SUCLG2: variants seen among roughly 807,000 people sequenced by gnomAD.
The protein encoded by SUCLG2 is succinate-CoA ligase GDP-forming subunit beta.
SUCLG2 carries 42 observed loss-of-function variants against 47.9 expected under a neutral mutation model. That is an observed-to-expected ratio of 0.88 (90% CI 0.69 to 1.14). SUCLG2 has a LOEUF of 1.14. SUCLG2 is among the 50% of genes most tolerant of loss of function. The probability of loss-of-function intolerance (pLI) is 0.00; values close to 1 mark genes in which losing one functional copy is unlikely to be tolerated. For missense variants in SUCLG2, 571 were observed against 525.9 expected (o/e 1.09, Z -0.84); for synonymous variants, 195 against 197.3 (o/e 0.99, Z 0.10).
Position 67,493,559 on chromosome 3 carries a change from G to A in SUCLG2, c.1062+2239C>T, listed in dbSNP as rs562719679. On this transcript the variant is annotated intron_variant, in intron 9 of 10. Transcript: ENST00000307227. ...CAGGTTTTACAAAATTAAAATTTGAGGTGAGCCACTAAGAAAAGCTATTTC... is the reference window on the plus strand; with the variant it reads ...CAGGTTTTACAAAATTAAAATTTGAAGTGAGCCACTAAGAAAAGCTATTTC... 5.3e-5 allele frequency among the ~76,000 whole-genome samples: 8 copies of A among 152,192 alleles called. No homozygotes were observed. In the South Asian group the frequency reaches 1.5e-3, roughly 28 times the overall value.
intron 9 of SUCLG2, among the ~76,000 whole-genome samples, chr3:67,404,596 G>A: frequency 6.6e-6 from 1 of 152,090 alleles, no homozygotes; most frequent in South Asian, 2.1e-4. Flanking sequence ...AGCACCCTAA[G>A]AGGAAAGTCA....
chr3:67,402,459 T>C (rs1446172804), intron 9 of SUCLG2, among the ~76,000 whole-genome samples: 1 of 152,234 alleles, frequency 6.6e-6, no homozygotes. Flanking sequence ...AGATTGGGGC[T>C]ACTCCCAGAA....
At chr3:67,443,698 C>T in intron 9 of SUCLG2, among the ~76,000 whole-genome samples, 1 of 89,494 alleles carries the variant, frequency 1.1e-5, no homozygotes, top group African/African-American at 3.7e-5. Context: ...CGCCTCTGCC[C>T]CGCCGCCCCA....
At chr3:67,623,506 A>G (rs774786057) in intron 1 of SUCLG2, among the ~76,000 whole-genome samples, 2 of 152,164 alleles carry the variant, frequency 1.3e-5, no homozygotes, top group African/African-American at 2.4e-5. Context: ...ATCTTAAGAA[A>G]CAAAAAATAA....
intron 2 of SUCLG2, among the ~76,000 whole-genome samples, chr3:67,574,056 A>T (rs1175839670): frequency 6.6e-6 from 1 of 152,134 alleles, no homozygotes; most frequent in Non-Finnish European, 1.5e-5. Flanking sequence ...GGACACATAC[A>T]TTCCTTGGCT....
intron 2 of SUCLG2, among the ~76,000 whole-genome samples, chr3:67,608,549 T>G (rs1480389069): frequency 6.6e-6 from 1 of 152,182 alleles, no homozygotes; most frequent in Non-Finnish European, 1.5e-5. Flanking sequence ...TGCTCCACTG[T>G]TGTACTATTC....
Position 67,400,798 on chromosome 3 carries a change from A to G in SUCLG2, c.1116T>C (p.Ile372=). ...GGCAGGCTTTGGTGATCCCATTGGC[A>G]ATGATGGCACAGTTGACGATACCAC... The part of the protein sequence containing the change: ...IFGGIVNCAI[I]ANGITKACRE... Residue 372 remains isoleucine (I), a synonymous_variant, in exon 10 of 11, where the codon ATT becomes ATC. Coordinates refer to ENST00000307227, the MANE Select transcript of SUCLG2 (RefSeq NM_003848.4). 6.2e-7 allele frequency: 1 copy of G among 1,612,804 alleles called. No homozygotes were observed. The highest frequency in any genetic ancestry group is 8.5e-7 in the Non-Finnish European group (1 of 1,179,944).
intron 1 of SUCLG2, 48 bp downstream of exon 1, chr3:67,654,455 C>T: frequency 8.2e-7 from 1 of 1,217,350 alleles, no homozygotes; most frequent in Non-Finnish European, 1.0e-6. Context: ...GAAGCCCGGG[C>T]AGGCCGGCGC....
At chr3:67,467,965 AT>A (rs1171254963) in intron 9 of SUCLG2, among the ~76,000 whole-genome samples, 4 of 152,148 alleles carry the variant, frequency 2.6e-5, no homozygotes, top group Non-Finnish European at 5.9e-5. Flanking sequence ...GAGAAATGCT[AT>A]TGTGAAAATG....
chr3:67,454,416 T>G (rs78330360), intron 9 of SUCLG2, among the ~76,000 whole-genome samples: 30 of 151,690 alleles, frequency 2.0e-4, no homozygotes, highest in East Asian at 9.7e-4. Flanking sequence ...AAAAAAAAAA[T>G]AGAAGGTGAA....
chr3:67,601,186 C>A (rs530409147), intron 2 of SUCLG2, among the ~76,000 whole-genome samples: 1 of 152,200 alleles, frequency 6.6e-6, no homozygotes, highest in African/African-American at 2.4e-5. Flanking sequence ...CAAGCTCATT[C>A]TCTCTCAATG....
rs913911323 is a variant in SUCLG2, at chr3:67,454,725, G to T, written c.1062+41073C>A. 3.3e-5 allele frequency among the ~76,000 whole-genome samples: 5 copies of T among 152,132 alleles called. No homozygotes were observed. The East Asian group carries it at 9.6e-4, about 29-fold the overall frequency. On this transcript the variant is annotated intron_variant, in intron 9 of 10. Coordinates refer to ENST00000307227, the MANE Select transcript of SUCLG2 (RefSeq NM_003848.4). ...TGCCTGTAATCCCAACACTTTGGGA[G>T]GCCAAGGCGGGTGGATCACAAGGTC... is the stretch of plus-strand genomic sequence containing the variant.
At chr3:67,381,775 C>T (rs150082838) in intron 10 of SUCLG2, among the ~76,000 whole-genome samples, 424 of 152,208 alleles carry the variant, frequency 2.8e-3, no homozygotes, top group African/African-American at 9.6e-3. Flanking sequence ...AAATCTTGCT[C>T]TACTACTAGG....
At chr3:67,488,359 TG>T (rs1224408690) in intron 9 of SUCLG2, among the ~76,000 whole-genome samples, 1 of 152,066 alleles carries the variant, frequency 6.6e-6, no homozygotes, top group Non-Finnish European at 1.5e-5. Context: ...TCTCTGACAG[TG>T]GGTGGGGCAG....
chr3:67,363,679 C>T (rs1701838810), intron 10 of SUCLG2, among the ~76,000 whole-genome samples: 1 of 152,166 alleles, frequency 6.6e-6, no homozygotes, highest in East Asian at 1.9e-4. Context: ...ATTTTACAAT[C>T]TTCACATTTT....
At chr3:67,608,809 C>G (rs1402822299) in intron 2 of SUCLG2, among the ~76,000 whole-genome samples, 1 of 151,960 alleles carries the variant, frequency 6.6e-6, no homozygotes, top group East Asian at 1.9e-4. Flanking sequence ...TCCAGAGTAG[C>G]TAGGACTACA....
chr3:67,495,984 C>A, intron 8 of SUCLG2, 44 bp from the exon 9 acceptor site: 1 of 1,611,544 alleles, frequency 6.2e-7, no homozygotes, highest in Non-Finnish European at 8.5e-7. Context: ...CATTTAGCAA[C>A]ATGAAATGGT....
intron 9 of SUCLG2, among the ~76,000 whole-genome samples, chr3:67,441,546 AT>A (rs1703764529): frequency 6.6e-6 from 1 of 152,188 alleles, no homozygotes; most frequent in Non-Finnish European, 1.5e-5. Flanking sequence ...TTGTAACCTC[AT>A]GGGAGACCCC....
chr3:67,636,258 A>G (rs1373215225), intron 1 of SUCLG2, among the ~76,000 whole-genome samples: 1 of 152,194 alleles, frequency 6.6e-6, no homozygotes, highest in African/African-American at 2.4e-5. Flanking sequence ...CCTGAGAGCT[A>G]TGAAAACACA....
Sources: allele counts gnomAD v4.1 joint callset (sites outside exome capture counted in the v4.1 genomes callset), GRCh38; gene constraint gnomAD v4.1.1; transcripts MANE v1.5; gene names NCBI Gene and HGNC (gene_info 2026-07-23, HGNC 2026-07-21).